Variants in DSCAM observed in about 807,000 individuals in gnomAD.
DSCAM encodes the protein DS cell adhesion molecule, also known as cell adhesion molecule DSCAM.
DSCAM carries 47 observed loss-of-function variants against 217.7 expected under a neutral mutation model. The observed-to-expected ratio is 0.22, with a 90% confidence interval of 0.17 to 0.28. DSCAM has a LOEUF of 0.28. DSCAM is among the 10% of genes least tolerant of loss of function. The pLI is 1.00. For missense variants in DSCAM, 2,080 were observed against 2,618.3 expected (o/e 0.79, Z 4.49); for synonymous variants, 1,056 against 1,015.3 (o/e 1.04, Z -0.76).
intron 11 of DSCAM, among the ~76,000 whole-genome samples, chr21:40,259,276 C>CTCTTT (rs60746502): frequency 1.3e-4 from 16 of 119,766 alleles, no homozygotes; most frequent in African/African-American, 4.5e-4. Context: ...TTAATGAACT[C>CTCTTT]TTTTTTTTTT....
chr21:40,168,190 G>T (rs546784589), intron 15 of DSCAM, among the ~76,000 whole-genome samples: 1 of 152,308 alleles, frequency 6.6e-6, no homozygotes, highest in East Asian at 1.9e-4. Context: ...TGCTGAGTGT[G>T]CAATAAGTCA....
intron 11 of DSCAM, among the ~76,000 whole-genome samples, chr21:40,217,280 T>G (rs2091252237): frequency 6.6e-6 from 1 of 152,238 alleles, no homozygotes; most frequent in African/African-American, 2.4e-5. Context: ...AAGATATCAT[T>G]CATAATTGTA....
chr21:40,692,825 C>T lies in DSCAM; in HGVS notation c.493G>A (p.Val165Ile), dbSNP rs748387782. 6.2e-7 allele frequency: 1 copy of T among 1,612,856 alleles called. No homozygotes were observed. Among genetic ancestry groups the T allele is most frequent in the East Asian group, 2.2e-5 (1 of 44,820 alleles). The change falls in exon 3 of 33, where the codon GTT (valine) becomes ATT (isoleucine). Residue 165 changes from valine to isoleucine, a missense_variant. Val to Ile is a conservative substitution (Grantham distance 29, BLOSUM62 3). Coordinates refer to ENST00000400454, the MANE Select transcript of DSCAM (RefSeq NM_001389.5). ...ITVVSWEKDT[V>I]SLVSGSRFLI... ...CAAAGCCTACCTGAGACAAGTGAAA[C>T]AGTGTCTTTCTCCCATGAGACGACA...
At chr21:40,437,627 G>A (rs1030776254) in intron 3 of DSCAM, among the ~76,000 whole-genome samples, 3 of 152,092 alleles carry the variant, frequency 2.0e-5, no homozygotes, top group African/African-American at 7.2e-5. Flanking sequence ...AAGACAGGCA[G>A]ATCACTCGAG....
chr21:40,589,974 T>C (rs2076972506), intron 3 of DSCAM, among the ~76,000 whole-genome samples: 1 of 152,216 alleles, frequency 6.6e-6, no homozygotes, highest in Non-Finnish European at 1.5e-5. Flanking sequence ...TCTTTTAAGA[T>C]GTAAAAATAA....
chr21:40,751,305 C>T (rs2091225819), intron 1 of DSCAM, among the ~76,000 whole-genome samples: 2 of 152,184 alleles, frequency 1.3e-5, no homozygotes, highest in African/African-American at 4.8e-5. Context: ...TAATTACAAT[C>T]TACTAGTCTA....
At chr21:40,102,374 C>T (rs1269767929) in intron 20 of DSCAM, among the ~76,000 whole-genome samples, 4 of 152,158 alleles carry the variant, frequency 2.6e-5, no homozygotes, top group Admixed American at 1.3e-4. Context: ...CAAGCCAGAG[C>T]GTTCACATTT....
At chr21:40,355,474 G>C (rs934883709) in intron 4 of DSCAM, among the ~76,000 whole-genome samples, 1 of 152,182 alleles carries the variant, frequency 6.6e-6, no homozygotes, top group Non-Finnish European at 1.5e-5. Context: ...TGTCCTTCAA[G>C]TTTGTTTGAA....
At position 40,779,287 on chromosome 21, in the gene DSCAM, C is replaced by T. The variant is rs190357580; in HGVS notation, c.43+67332G>A. Among the ~76,000 whole-genome samples, 27 of 152,226 alleles carry T rather than the reference C, an allele frequency of 1.8e-4. No homozygotes were observed. The East Asian group carries it at 4.1e-3, about 23-fold the overall frequency. On this transcript the variant is annotated intron_variant, in intron 1 of 32. Transcript: ENST00000400454. ...GCTATTAGGATGTTATTACCATAGC[C>T]TGACTGACTGATGATAAACACACTT...
chr21:40,412,499 T>G (rs2075332383), intron 3 of DSCAM, among the ~76,000 whole-genome samples: 1 of 152,224 alleles, frequency 6.6e-6, no homozygotes, highest in Non-Finnish European at 1.5e-5. Context: ...AAGGTGACTC[T>G]TGTTATGTTT....
intron 25 of DSCAM, 91 bp downstream of exon 25, chr21:40,080,061 C>A: frequency 8.2e-7 from 1 of 1,212,908 alleles, no homozygotes; most frequent in East Asian, 2.7e-5. Context: ...AACACATAAA[C>A]GTAAAACATG....
intron 32 of DSCAM, among the ~76,000 whole-genome samples, chr21:40,023,142 G>A (rs1234315170): frequency 6.6e-6 from 1 of 151,048 alleles, no homozygotes; most frequent in Non-Finnish European, 1.5e-5. Context: ...TTGTTCTTGC[G>A]ATAGTTTACT....
At chr21:40,583,656 A>G (rs548398365) in intron 3 of DSCAM, among the ~76,000 whole-genome samples, 1 of 152,326 alleles carries the variant, frequency 6.6e-6, no homozygotes, top group African/African-American at 2.4e-5. Context: ...TCAGAAGGAA[A>G]TTCCTTGAGT....
intron 1 of DSCAM, among the ~76,000 whole-genome samples, chr21:40,767,637 GA>G (rs1489067176): frequency 6.6e-6 from 1 of 152,194 alleles, no homozygotes; most frequent in African/African-American, 2.4e-5. Context: ...TTAGAACAGA[GA>G]CCCCAGGGTG....
At chr21:40,080,851 C>A (rs150185663) in intron 24 of DSCAM, among the ~76,000 whole-genome samples, 51 of 152,328 alleles carry the variant, frequency 3.3e-4, no homozygotes, top group African/African-American at 1.2e-3. Context: ...AGCCATCCCA[C>A]TATTCTGACA....
intron 1 of DSCAM, among the ~76,000 whole-genome samples, chr21:40,725,955 G>A (rs1601177090): frequency 6.6e-6 from 1 of 152,068 alleles, no homozygotes; most frequent in South Asian, 2.1e-4. Flanking sequence ...TGAATTAAAA[G>A]GTTGCAAACT....
At chr21:40,122,481 A>G (rs2090045972) in intron 20 of DSCAM, among the ~76,000 whole-genome samples, 1 of 152,232 alleles carries the variant, frequency 6.6e-6, no homozygotes, top group African/African-American at 2.4e-5. Flanking sequence ...GAAAATGAGT[A>G]TACTTTATTT....
chr21:40,153,275 A>C (rs1027275000), intron 16 of DSCAM, among the ~76,000 whole-genome samples: 2 of 152,234 alleles, frequency 1.3e-5, no homozygotes, highest in Non-Finnish European at 2.9e-5. Flanking sequence ...CCTTTGAGTG[A>C]ATCAGTGCTC....
At chr21:40,582,679 C>T (rs2076914841) in intron 3 of DSCAM, among the ~76,000 whole-genome samples, 1 of 152,032 alleles carries the variant, frequency 6.6e-6, no homozygotes, top group Non-Finnish European at 1.5e-5. Flanking sequence ...AAAGATAAGA[C>T]CTGGAGAAAA....
Sources: gnomAD v4.1 joint callset for allele counts (sites outside exome capture counted in the v4.1 genomes callset) on GRCh38, gnomAD v4.1.1 for gene constraint, MANE v1.5 for transcripts, NCBI Gene and HGNC (gene_info 2026-07-23, HGNC 2026-07-21) for gene names.